Variants in CAPZB observed in about 807,000 individuals in gnomAD.
CAPZB encodes capping actin protein of muscle Z-line subunit beta, also known as F-actin-capping protein subunit beta.
A neutral mutation model predicts 38.1 loss-of-function variants in CAPZB; 2 were observed. The observed-to-expected ratio is 0.05, with a 90% confidence interval of 0.02 to 0.17. CAPZB has a LOEUF of 0.17. CAPZB is among the 10% of genes least tolerant of loss of function. The pLI, the probability that CAPZB is intolerant of heterozygous loss-of-function variation, is 1.00. For synonymous variants in CAPZB, 107 were observed against 127.4 expected, an observed-to-expected ratio of 0.84 and a Z score of 1.08; for missense variants, 161 against 334.2, an observed-to-expected ratio of 0.48 and a Z score of 4.04.
chr1:19,395,795 AAGCAC>A (rs2094264119), intron 2 of CAPZB, among the ~76,000 whole-genome samples: 1 of 152,212 alleles, frequency 6.6e-6, no homozygotes, highest in African/African-American at 2.4e-5. Context: ...CTGAGAGATG[AAGCAC>A]AACATACAAA....
chr1:19,441,870 T>C (rs1462828090), intron 1 of CAPZB, among the ~76,000 whole-genome samples: 1 of 151,678 alleles, frequency 6.6e-6, no homozygotes, highest in Non-Finnish European at 1.5e-5. Context: ...TAGCTGGGCG[T>C]GGTGGTGGAT....
At chr1:19,459,487 C>T (rs1455496158) in intron 1 of CAPZB, among the ~76,000 whole-genome samples, 1 of 151,976 alleles carries the variant, frequency 6.6e-6, no homozygotes, top group Non-Finnish European at 1.5e-5. Context: ...TTTTTTAAAA[C>T]CTTCTACCAC....
At chr1:19,343,417 C>T (rs965023312) in intron 8 of CAPZB, among the ~76,000 whole-genome samples, 5 of 152,358 alleles carry the variant, frequency 3.3e-5, no homozygotes, top group South Asian at 2.1e-4. Context: ...AGCTACACCA[C>T]GGCAGTGGGT....
At position 19,339,292 on chromosome 1, in the gene CAPZB, G is replaced by A. The variant is rs967801707; in HGVS notation, c.*238C>T. 3 of 523,586 alleles carry A rather than the reference G, an allele frequency of 5.7e-6. No individual in the cohort carries two copies. Among genetic ancestry groups the A allele is most frequent in the Middle Eastern group, 4.9e-4 (1 of 2,022 alleles). The allele number at this position is 523,586 out of a possible 1,614,324, so 32.4% of individuals were successfully genotyped here. On this transcript the variant is annotated 3_prime_UTR_variant, in exon 9 of 9. Transcript: ENST00000264202. ...GGGCCCGGGTGAACAAAAACCACACGGTCTCTATGGAAATGTGGAGAGAAC... is the reference window on the plus strand; with the variant it reads ...GGGCCCGGGTGAACAAAAACCACACAGTCTCTATGGAAATGTGGAGAGAAC...
chr1:19,403,109 C>T (rs575564204), intron 2 of CAPZB, among the ~76,000 whole-genome samples: 2 of 152,270 alleles, frequency 1.3e-5, no homozygotes, highest in Admixed American at 6.5e-5. Flanking sequence ...ATCTGGCTCC[C>T]ACCGTGGCTA....
chr1:19,475,189 C>T (rs1459971696), intron 1 of CAPZB, among the ~76,000 whole-genome samples: 1 of 152,134 alleles, frequency 6.6e-6, no homozygotes, highest in Non-Finnish European at 1.5e-5. Flanking sequence ...TCATTTAATC[C>T]TCATAAAATC....
At chr1:19,477,730 G>A (rs2094611844) in intron 1 of CAPZB, among the ~76,000 whole-genome samples, 1 of 152,224 alleles carries the variant, frequency 6.6e-6, no homozygotes, top group Non-Finnish European at 1.5e-5. Context: ...CAGATAGGGT[G>A]CAATGCAAAA....
At chr1:19,426,017 T>C (rs577902930) in intron 1 of CAPZB, among the ~76,000 whole-genome samples, 12 of 152,322 alleles carry the variant, frequency 7.9e-5, no homozygotes, top group African/African-American at 2.9e-4. Flanking sequence ...CAGGTGTGCC[T>C]TTCCAGGCAG....
intron 1 of CAPZB, among the ~76,000 whole-genome samples, chr1:19,453,570 T>A (rs891689216): frequency 3.3e-5 from 5 of 152,108 alleles, no homozygotes; most frequent in African/African-American, 9.7e-5. Context: ...CACCAGCGCC[T>A]CTTTCTATGT....
At position 19,383,720 on chromosome 1, in the gene CAPZB, A is replaced by G. The variant is rs1028657514; in HGVS notation, c.215+1785T>C. ...CTAAACCTCTCTCCTGGAACTCCAC[A>G]TGGTACATCCACAGCCTACCTGGTA... On this transcript the variant is annotated intron_variant, in intron 3 of 8. Transcript: ENST00000264202. 3.9e-5 allele frequency among the ~76,000 whole-genome samples: 6 copies of G among 152,114 alleles called. No homozygotes were observed. In the East Asian group the frequency reaches 9.7e-4, roughly 24 times the overall value.
chr1:19,434,505 G>A (rs1477248453), intron 1 of CAPZB, among the ~76,000 whole-genome samples: 1 of 148,970 alleles, frequency 6.7e-6, no homozygotes, highest in Non-Finnish European at 1.5e-5. Flanking sequence ...CAAGAGGACA[G>A]CTTGAGGCCA....
intron 2 of CAPZB, among the ~76,000 whole-genome samples, chr1:19,394,591 C>T (rs543871027): frequency 6.6e-6 from 1 of 152,198 alleles, no homozygotes; most frequent in South Asian, 2.1e-4. Flanking sequence ...CGTGGTGGCG[C>T]AGGCCTGTAA....
chr1:19,342,410 T>C lies in CAPZB; in HGVS notation c.731+1948A>G, dbSNP rs527878663. Among the ~76,000 whole-genome samples the C allele has an allele frequency of 5.7e-3, 872 of 152,344 alleles. 6 individuals carry two copies. The highest frequency in any genetic ancestry group is 0.019 in the African/African-American group (794 of 41,584). On this transcript the variant is annotated intron_variant, in intron 8 of 8. Transcript: ENST00000264202. ...CATGGGGGGGTGGACGGCAGGCAGA[T>C]CCCTGCCCTGGGGACAGTCAGGCCG...
chr1:19,450,143 CCAAAAAAA>C (rs1174123677), intron 1 of CAPZB, among the ~76,000 whole-genome samples: 9 of 39,040 alleles, frequency 2.3e-4, no homozygotes, highest in East Asian at 6.3e-4. Context: ...GACCCTGTCT[CCAAAAAAA>C]AAAAAAAAAA....
chr1:19,429,439 A>T (rs2094434995), intron 1 of CAPZB, among the ~76,000 whole-genome samples: 1 of 152,026 alleles, frequency 6.6e-6, no homozygotes, highest in South Asian at 2.1e-4. Context: ...AGGCAGAGAT[A>T]CGATATACTA....
At chr1:19,381,882 G>A (rs1046258185) in intron 3 of CAPZB, among the ~76,000 whole-genome samples, 10 of 151,988 alleles carry the variant, frequency 6.6e-5, no homozygotes, top group African/African-American at 2.4e-4. Context: ...CAGAGACAAA[G>A]ATCCAGGTGA....
rs1055946116 is a variant in CAPZB at position 19,356,367 on chromosome 1, T to A, written c.588+268A>T. Among the ~76,000 whole-genome samples the A allele has an allele frequency of 6.6e-6, 1 of 152,062 alleles. No homozygotes were observed. The highest frequency in any genetic ancestry group is 6.6e-5 in the Admixed American group (1 of 15,264). ...CACAACATGAGCTGAAGCATGGGGA[T>A]GTGCGGGGCCCTGAGGGGTAAGGAG... On this transcript the variant is annotated intron_variant, in intron 6 of 8. Transcript: ENST00000264202. The surrounding 1 kb of genome is among the most constrained non-coding windows in gnomAD (Gnocchi z 4.3).
At chr1:19,381,670 A>G (rs958917043) in intron 3 of CAPZB, among the ~76,000 whole-genome samples, 3 of 143,484 alleles carry the variant, frequency 2.1e-5, no homozygotes, top group Non-Finnish European at 4.5e-5. Flanking sequence ...GGCATGTACC[A>G]CCATGCCCAG....
chr1:19,394,933 G>A (rs1401921314), intron 2 of CAPZB, among the ~76,000 whole-genome samples: 1 of 152,016 alleles, frequency 6.6e-6, no homozygotes, highest in Non-Finnish European at 1.5e-5. Context: ...CCCTCATGAC[G>A]CAGGGAGACA....
Sources: allele counts gnomAD v4.1 joint callset (sites outside exome capture counted in the v4.1 genomes callset), GRCh38; gene constraint gnomAD v4.1.1; non-coding constraint Gnocchi (gnomAD v3.1); transcripts MANE v1.5; gene names NCBI Gene and HGNC (gene_info 2026-07-23, HGNC 2026-07-21).